Variants in TMC1 observed in about 807,000 individuals in gnomAD.
The protein encoded by TMC1 is transmembrane channel like 1, also known as transmembrane channel-like protein 1.
Under a neutral mutation model 105.8 loss-of-function variants are expected in TMC1, and 84 were observed. The ratio of observed to expected loss-of-function variants is 0.79; its 90% confidence interval spans 0.67 to 0.95. TMC1 has a LOEUF of 0.95. TMC1 is among the 40% of genes least tolerant of loss of function. The pLI, the probability that TMC1 is intolerant of heterozygous loss-of-function variation, is 0.00. For missense variants in TMC1, 817 were observed against 914.1 expected (o/e 0.89, Z 1.37); for synonymous variants, 315 against 311.5 (o/e 1.01, Z -0.12).
chr9:72,690,162 TC>T (rs1392194765), intron 6 of TMC1, among the ~76,000 whole-genome samples: 1 of 152,038 alleles, frequency 6.6e-6, no homozygotes, highest in Non-Finnish European at 1.5e-5. Flanking sequence ...ATGTTCAACA[TC>T]TTATAATTAT....
chr9:72,784,204 C>A (rs1016167658), intron 13 of TMC1, among the ~76,000 whole-genome samples: 4 of 152,070 alleles, frequency 2.6e-5, no homozygotes, highest in African/African-American at 9.7e-5. Context: ...CTATAAGGAA[C>A]TTAAACTAAC....
Position 72,792,327 on chromosome 9 carries a change from C to T in TMC1, c.1541C>T (p.Pro514Leu). The T allele has an allele frequency of 1.2e-6, 2 of 1,614,088 alleles. No individual in the cohort carries two copies. Among genetic ancestry groups the T allele is most frequent in the South Asian group, 2.2e-5 (2 of 91,084 alleles). Residue 514 changes from proline to leucine, a missense_variant, in exon 17 of 24, where the codon CCT becomes CTT. Physicochemically the swap from Pro to Leu is moderately conservative, Grantham distance 98. Coordinates refer to ENST00000297784, the MANE Select transcript of TMC1 (RefSeq NM_138691.3). The part of the protein sequence containing the change: ...FVHPADVPRG[P>L]CWETMVGQEF... ...CACCCTGCAGATGTACCTCGAGGAC[C>T]TTGCTGGGAAACAATGGTGGGACAG...
intron 17 of TMC1, among the ~76,000 whole-genome samples, chr9:72,792,871 G>A (rs540917069): frequency 6.6e-6 from 1 of 152,132 alleles, no homozygotes; most frequent in African/African-American, 2.4e-5. Context: ...ACATGCATTG[G>A]ATCTAATCAA....
chr9:72,733,465 G>A (rs1261768355), intron 8 of TMC1, among the ~76,000 whole-genome samples: 1 of 152,050 alleles, frequency 6.6e-6, no homozygotes, highest in Non-Finnish European at 1.5e-5. Context: ...CTAGGGTTTT[G>A]CCTGGAAGTA....
At chr9:72,555,096 A>G (rs1008518698) in intron 1 of TMC1, among the ~76,000 whole-genome samples, 2 of 151,780 alleles carry the variant, frequency 1.3e-5, no homozygotes, top group African/African-American at 4.8e-5. Context: ...ACAGGGTAGT[A>G]TCAAATTTCT....
At chr9:72,809,733 A>G (rs1243195801) in intron 18 of TMC1, among the ~76,000 whole-genome samples, 1 of 152,220 alleles carries the variant, frequency 6.6e-6, no homozygotes, top group African/African-American at 2.4e-5. Flanking sequence ...ATAAAAACAC[A>G]TGGATTTATT....
chr9:72,638,478 A>G (rs1048250708), intron 4 of TMC1, among the ~76,000 whole-genome samples: 1 of 152,112 alleles, frequency 6.6e-6, no homozygotes, highest in African/African-American at 2.4e-5. Context: ...CTGGGGCACA[A>G]TCGACACTCA....
At chr9:72,788,303 T>C in intron 13 of TMC1, 36 bp from the exon 14 acceptor site, 1 of 1,613,750 alleles carries the variant, frequency 6.2e-7, no homozygotes, top group Non-Finnish European at 8.5e-7. Context: ...TATCTCATTT[T>C]TTCTGGCTGC....
At chr9:72,624,454 AATGGCC>A (rs1825311140) in intron 3 of TMC1, among the ~76,000 whole-genome samples, 3 of 152,128 alleles carry the variant, frequency 2.0e-5, no homozygotes, top group African/African-American at 7.2e-5. Flanking sequence ...GTCCTGTCGA[AATGGCC>A]AAGCCATTCA....
At chr9:72,729,773 A>G (rs1827179250) in intron 8 of TMC1, among the ~76,000 whole-genome samples, 1 of 152,210 alleles carries the variant, frequency 6.6e-6, no homozygotes, top group African/African-American at 2.4e-5. Flanking sequence ...CAAGAGAAAA[A>G]CATAACACAT....
intron 2 of TMC1, among the ~76,000 whole-genome samples, chr9:72,608,879 A>C (rs2132118043): frequency 6.6e-6 from 1 of 152,218 alleles, no homozygotes; most frequent in South Asian, 2.1e-4. Context: ...TCCCTCAGTA[A>C]TCATTCTTCA....
chr9:72,714,261 C>A (rs1033116282), intron 8 of TMC1, among the ~76,000 whole-genome samples: 2 of 152,106 alleles, frequency 1.3e-5, no homozygotes, highest in Admixed American at 6.5e-5. Context: ...GTGGAGAGTT[C>A]TTTAGATATC....
chr9:72,614,110 A>G lies in TMC1; in HGVS notation c.-305-2258A>G, dbSNP rs140368685. Among the ~76,000 whole-genome samples, 154 of 152,270 alleles carry G rather than the reference A, an allele frequency of 1.0e-3. No individual in the cohort carries two copies. In the East Asian group the frequency reaches 0.015, roughly 15 times the overall value. ...TGCAACGTTGGTATTCTTGAACTGA[A>G]CTGATATTTCCTTTGACTAATGTCC... On this transcript the variant is annotated intron_variant, in intron 2 of 23. Coordinates refer to ENST00000297784, the MANE Select transcript of TMC1 (RefSeq NM_138691.3).
At chr9:72,544,941 C>CA (rs113880723) in intron 1 of TMC1, among the ~76,000 whole-genome samples, 2 of 151,528 alleles carry the variant, frequency 1.3e-5, no homozygotes, top group South Asian at 2.1e-4. Flanking sequence ...TTCACCCCCC[C>CA]AAGTCTTTCC....
At chr9:72,764,909 A>AT (rs1392923304) in intron 12 of TMC1, among the ~76,000 whole-genome samples, 1 of 152,176 alleles carries the variant, frequency 6.6e-6, no homozygotes, top group Non-Finnish European at 1.5e-5. Context: ...GCTGATGTAC[A>AT]TATGTCTTAG....
chr9:72,791,056 A>T (rs975962816), intron 15 of TMC1, among the ~76,000 whole-genome samples: 1 of 152,132 alleles, frequency 6.6e-6, no homozygotes, highest in Admixed American at 6.6e-5. Context: ...GTATTTCCCT[A>T]TTAGAAAATT....
At chr9:72,755,240 T>C (rs1357553799) in intron 12 of TMC1, among the ~76,000 whole-genome samples, 1 of 152,144 alleles carries the variant, frequency 6.6e-6, no homozygotes, top group African/African-American at 2.4e-5. Flanking sequence ...TTCAAAGACT[T>C]GAAGCAAATA....
intron 12 of TMC1, among the ~76,000 whole-genome samples, chr9:72,755,913 A>G (rs555508656): frequency 1.3e-5 from 2 of 152,308 alleles, no homozygotes; most frequent in East Asian, 3.9e-4. Flanking sequence ...CCCGTAATCT[A>G]GTCCTCATCC....
intron 4 of TMC1, among the ~76,000 whole-genome samples, chr9:72,636,557 A>T (rs1825536919): frequency 6.6e-6 from 1 of 151,890 alleles, no homozygotes; most frequent in African/African-American, 2.4e-5. Context: ...AAAATACAAA[A>T]GTTAGCTGGG....
Sources: gnomAD v4.1 joint callset for allele counts (sites outside exome capture counted in the v4.1 genomes callset) on GRCh38, gnomAD v4.1.1 for gene constraint, MANE v1.5 for transcripts, NCBI Gene and HGNC (gene_info 2026-07-23, HGNC 2026-07-21) for gene names.